SLC25A21: variants seen among roughly 807,000 people sequenced by gnomAD.
The protein encoded by SLC25A21 is mitochondrial 2-oxodicarboxylate carrier.
In SLC25A21, 47 loss-of-function variants were observed where a neutral mutation model predicts 43.8. That is an observed-to-expected ratio of 1.07 (90% confidence interval 0.85 to 1.37). The LOEUF is 1.37. Ranked by LOEUF, SLC25A21 falls within the 40% of genes most tolerant of loss-of-function variation. SLC25A21 has a pLI of 0.00. For synonymous variants in SLC25A21, 131 were observed against 121.3 expected, an observed-to-expected ratio of 1.08 and a Z score of -0.52; for missense variants, 352 against 350.2, an observed-to-expected ratio of 1.00 and a Z score of -0.04.
chr14:36,904,605 C>T (rs1182087414), intron 1 of SLC25A21, among the ~76,000 whole-genome samples: 1 of 152,174 alleles, frequency 6.6e-6, no homozygotes, highest in Non-Finnish European at 1.5e-5. Context: ...GTTTAATTGA[C>T]TCACAGTTCC....
intron 4 of SLC25A21, among the ~76,000 whole-genome samples, chr14:36,730,952 G>A (rs1239811350): frequency 1.3e-5 from 2 of 151,328 alleles, no homozygotes; most frequent in African/African-American, 2.4e-5. Flanking sequence ...AACCATGGAA[G>A]GAAAAGTGTT....
chr14:36,935,510 G>A (rs1409098013), intron 1 of SLC25A21, among the ~76,000 whole-genome samples: 2 of 152,152 alleles, frequency 1.3e-5, no homozygotes, highest in Admixed American at 6.6e-5. Context: ...GGTTTCTGTG[G>A]AAGCCACCTA....
chr14:36,705,171 G>T (rs1220077105), intron 7 of SLC25A21, among the ~76,000 whole-genome samples: 5 of 151,792 alleles, frequency 3.3e-5, no homozygotes, highest in South Asian at 2.1e-4. Flanking sequence ...CTCCCAAGTA[G>T]CTGGGACTAC....
At chr14:36,912,972 C>A (rs1439480357) in intron 1 of SLC25A21, among the ~76,000 whole-genome samples, 1 of 152,136 alleles carries the variant, frequency 6.6e-6, no homozygotes, top group African/African-American at 2.4e-5. Flanking sequence ...TTCCTCCAAC[C>A]TTTCTCCTTT....
chr14:36,728,185 T>C (rs1337331878), intron 5 of SLC25A21, among the ~76,000 whole-genome samples: 1 of 152,076 alleles, frequency 6.6e-6, no homozygotes, highest in African/African-American at 2.4e-5. Context: ...TGTCTAGCCA[T>C]ATAAAAAAAA....
chr14:36,899,114 G>A (rs1325604996), intron 1 of SLC25A21, among the ~76,000 whole-genome samples: 1 of 152,060 alleles, frequency 6.6e-6, no homozygotes, highest in Non-Finnish European at 1.5e-5. Context: ...TTAAGGTTGG[G>A]TATGGTGGCT....
chr14:36,966,075 A>C (rs1346328170), intron 1 of SLC25A21, among the ~76,000 whole-genome samples: 1 of 152,206 alleles, frequency 6.6e-6, no homozygotes, highest in African/African-American at 2.4e-5. Flanking sequence ...CAAACAAAAA[A>C]ATGCTACATG....
At chr14:36,722,102 G>C (rs902386384) in intron 6 of SLC25A21, among the ~76,000 whole-genome samples, 3 of 152,118 alleles carry the variant, frequency 2.0e-5, no homozygotes, top group African/African-American at 7.2e-5. Context: ...CGTGGCCATT[G>C]AGCACCTGAA....
At chr14:36,750,992 A>G (rs1266621938) in intron 3 of SLC25A21, among the ~76,000 whole-genome samples, 1 of 152,192 alleles carries the variant, frequency 6.6e-6, no homozygotes, top group Non-Finnish European at 1.5e-5. Context: ...ACTGACTACT[A>G]GTTCATACCC....
chr14:37,143,989 T>C (rs1438087970), intron 1 of SLC25A21, among the ~76,000 whole-genome samples: 2 of 152,160 alleles, frequency 1.3e-5, no homozygotes, highest in Non-Finnish European at 2.9e-5. Flanking sequence ...CAGCAGTTAT[T>C]GACAAGAGTC....
intron 3 of SLC25A21, among the ~76,000 whole-genome samples, chr14:36,811,734 G>C (rs1426262866): frequency 6.6e-6 from 1 of 152,148 alleles, no homozygotes; most frequent in Non-Finnish European, 1.5e-5. Flanking sequence ...TCAGCAAGTG[G>C]TGTTTGGACA....
chr14:37,032,409 G>A (rs1434627281), intron 1 of SLC25A21, among the ~76,000 whole-genome samples: 2 of 152,020 alleles, frequency 1.3e-5, no homozygotes, highest in Non-Finnish European at 2.9e-5. Flanking sequence ...GGTGGCGTGT[G>A]CCTGTAGTCC....
At chr14:36,755,504 G>C (rs954858776) in intron 3 of SLC25A21, among the ~76,000 whole-genome samples, 1 of 151,998 alleles carries the variant, frequency 6.6e-6, no homozygotes, top group Non-Finnish European at 1.5e-5. Flanking sequence ...ACTCCCATGG[G>C]GCATGGCAAT....
At position 36,864,694 on chromosome 14, in the gene SLC25A21, A is replaced by G. The variant is rs141741096; in HGVS notation, c.119+10262T>C. ...GATTTAGCTACATGACAAAATCCCA[A>G]TTAAAATACAGTTTATAAAACTATG... On this transcript the variant is annotated intron_variant, in intron 2 of 9. Transcript: ENST00000331299. Among the ~76,000 whole-genome samples the G allele has an allele frequency of 2.6e-3, 402 of 152,326 alleles. 1 individual carries two copies. Among genetic ancestry groups the G allele is most frequent in the African/African-American group, 9.2e-3 (384 of 41,586 alleles).
At chr14:37,017,505 A>T (rs573911964) in intron 1 of SLC25A21, among the ~76,000 whole-genome samples, 1 of 152,118 alleles carries the variant, frequency 6.6e-6, no homozygotes, top group Non-Finnish European at 1.5e-5. Flanking sequence ...ATAATAATGA[A>T]AACATTTGAA....
chr14:36,886,723 T>C lies in SLC25A21; in HGVS notation c.71-11719A>G, dbSNP rs1176399742. 5.9e-5 allele frequency among the ~76,000 whole-genome samples: 9 copies of C among 152,312 alleles called. No homozygotes were observed. In the East Asian group the frequency reaches 1.5e-3, roughly 26 times the overall value. On this transcript the variant is annotated intron_variant, in intron 1 of 9. Coordinates refer to ENST00000331299, the MANE Select transcript of SLC25A21 (RefSeq NM_030631.4). ...AAAGATAGGCTGAAAATTATTAAAC[T>C]AATGAAAATCTCACCTGTAAACAAA...
intron 3 of SLC25A21, among the ~76,000 whole-genome samples, chr14:36,777,159 G>A (rs1886866949): frequency 6.6e-6 from 1 of 152,202 alleles, no homozygotes; most frequent in Non-Finnish European, 1.5e-5. Flanking sequence ...TTGGGAGGCT[G>A]AGGCAGGAGA....
At chr14:37,126,451 TATA>T (rs1490659066) in intron 1 of SLC25A21, among the ~76,000 whole-genome samples, 1 of 151,860 alleles carries the variant, frequency 6.6e-6, no homozygotes, top group Non-Finnish European at 1.5e-5. Flanking sequence ...TAATTATACA[TATA>T]ATATTTATCC....
chr14:37,138,125 G>A (rs190339058), intron 1 of SLC25A21, among the ~76,000 whole-genome samples: 30 of 152,246 alleles, frequency 2.0e-4, no homozygotes, highest in African/African-American at 7.0e-4. Flanking sequence ...GGTGACAAGA[G>A]AGCCAGATGT....
Sources: allele counts gnomAD v4.1 joint callset (sites outside exome capture counted in the v4.1 genomes callset), GRCh38; gene constraint gnomAD v4.1.1; transcripts MANE v1.5; gene names NCBI Gene and HGNC (gene_info 2026-07-23, HGNC 2026-07-21).